The following LTBR variants were observed in gnomAD, a reference collection of about 807,000 sequenced individuals.
LTBR encodes lymphotoxin beta receptor.
Under a neutral mutation model 45.4 loss-of-function variants are expected in LTBR, and 15 were observed. The ratio of observed to expected loss-of-function variants is 0.33; its 90% CI spans 0.22 to 0.51. LTBR has a LOEUF of 0.51. LTBR is among the 20% of genes least tolerant of loss of function. LTBR has a pLI of 0.97. For missense variants in LTBR, 450 were observed against 565.5 expected (o/e 0.80, Z 2.07); for synonymous variants, 228 against 231.0 (o/e 0.99, Z 0.12).
intron 1 of LTBR, chr12:6,376,128 C>T: frequency 1.0e-6 from 1 of 987,160 alleles, no homozygotes; most frequent in Non-Finnish European, 1.2e-6. Context: ...CACCCTCAGG[C>T]CCTGCAGAGA....
Position 6,384,270 on chromosome 12 carries a change from G to A in LTBR, c.-89G>A. On this transcript the variant is annotated 5_prime_UTR_variant, in exon 1 of 10. Coordinates refer to ENST00000228918, the MANE Select transcript of LTBR (RefSeq NM_002342.3). ...GTCCCGTCCCAGGCTCTGGGCTCGG[G>A]CAGCCGCCGCCACCGCTGCCCAGGA... is the stretch of plus-strand genomic sequence containing the variant. 5 of 1,419,132 alleles carry A rather than the reference G, an allele frequency of 3.5e-6. No homozygotes were observed. The South Asian group carries it at 7.6e-5, about 22-fold the overall frequency. 87.9% of individuals were successfully genotyped at this position (1,419,132 alleles called of 1,614,324 possible).
chr12:6,379,604 A>C (rs971455746), upstream of LTBR, among the ~76,000 whole-genome samples: 2 of 152,196 alleles, frequency 1.3e-5, no homozygotes, highest in Non-Finnish European at 2.9e-5. Context: ...GCCACTCTTC[A>C]TCTAGTCCCC....
At chr12:6,380,619 G>T (rs554067606), upstream of LTBR, among the ~76,000 whole-genome samples, 72 of 152,124 alleles carry the variant, frequency 4.7e-4, no homozygotes, top group Non-Finnish European at 1.3e-4. Context: ...GAACCTGGGA[G>T]GCGGAGGTTG....
chr12:6,386,604 T>TACACACACACAC lies in LTBR; in HGVS notation c.667+181_667+192dup, dbSNP rs3075360. ...AAATTGGAGTATCTCTAGGCTAGTTTACACACACACACACACACACACACA... is the reference window on the plus strand; with the variant it reads ...AAATTGGAGTATCTCTAGGCTAGTTTACACACACACACACACACACACACACACACACACACA... On this transcript the variant is annotated intron_variant, in intron 6 of 9. Coordinates refer to ENST00000228918, the MANE Select transcript of LTBR (RefSeq NM_002342.3). The surrounding 1 kb of genome is among the most constrained non-coding windows in gnomAD (Gnocchi z 4.1). 4.0e-4 allele frequency: 220 copies of TACACACACACAC among 546,626 alleles called. No homozygotes were observed. The highest frequency in any genetic ancestry group is 3.2e-3 in the African/African-American group (164 of 50,964). The allele number at this position is 546,626 out of a possible 1,614,324, so 33.9% of individuals were successfully genotyped here. A position where few individuals can be genotyped will look rare whatever the true frequency, so the allele number is the denominator to read the frequency against.
At position 6,390,747 on chromosome 12, in the gene LTBR, C is replaced by T. The variant is rs759658244; in HGVS notation, c.1118C>T (p.Pro373Leu). 14 of 1,561,654 alleles carry T rather than the reference C, an allele frequency of 9.0e-6. No homozygotes were observed. The highest frequency in any genetic ancestry group is 2.5e-5 in the South Asian group (2 of 81,092). ...AATGGACCAGTACTGGGGGGACCACCGGGTCCTGGAGACCTCCCAGCTACC... is the reference window on the plus strand; with the variant it reads ...AATGGACCAGTACTGGGGGGACCACTGGGTCCTGGAGACCTCCCAGCTACC... ...IYNGPVLGGP[P>L]GPGDLPATPE... The change falls in exon 10 of 10, where the codon CCG (proline) becomes CTG (leucine). Residue 373 changes from proline (P) to leucine (L), a missense_variant. Physicochemically the swap from Pro to Leu is moderately conservative, Grantham distance 98. Around this residue, in one of 3 missense-constraint regions of LTBR, gnomAD observed 71 missense variants for 90.4 expected, o/e 0.79. Coordinates refer to ENST00000228918, the MANE Select transcript of LTBR (RefSeq NM_002342.3).
chr12:6,376,761 G>C (rs1380282812), intron 1 of LTBR, among the ~76,000 whole-genome samples: 1 of 152,126 alleles, frequency 6.6e-6, no homozygotes, highest in Non-Finnish European at 1.5e-5. Flanking sequence ...GGCAGGGAAG[G>C]CTGCCGCTTC....
In LTBR at chr12:6,391,097, C is replaced by CG. The variant is rs1010390896; in HGVS notation, c.*160_*161insG. The CG allele has an allele frequency of 5.4e-5, 39 of 717,088 alleles. No individual in the cohort carries two copies. The highest frequency in any genetic ancestry group is 5.1e-4 in the African/African-American group (28 of 54,522). The allele number at this position is 717,088 out of a possible 1,614,324, so 44.4% of individuals were successfully genotyped here. Reference sequence around the variant, plus strand: ...ACCTCTGAGAGCAGGTGGGCACTGGCTGGGTACGGTGCCCTCCACAGGACT... The same window carrying CG: ...ACCTCTGAGAGCAGGTGGGCACTGGCGTGGGTACGGTGCCCTCCACAGGACT... On this transcript the variant is annotated 3_prime_UTR_variant, in exon 10 of 10. Transcript: ENST00000228918.
intron 1 of LTBR, chr12:6,377,395 T>C: frequency 1.2e-6 from 1 of 824,796 alleles, no homozygotes; most frequent in East Asian, 2.7e-5. Flanking sequence ...TAAACAGAAT[T>C]CAGAATTCTC....
intron 8 of LTBR, chr12:6,389,047 G>A (rs1949080943): frequency 1.8e-6 from 1 of 540,634 alleles, no homozygotes; most frequent in African/African-American, 1.9e-5. Context: ...TGCCCATGGA[G>A]CAAGAATAAG....
intron 6 of LTBR, chr12:6,387,054 T>G (rs1477112659): frequency 2.0e-5 from 3 of 152,304 alleles, no homozygotes; most frequent in Non-Finnish European, 4.4e-5. Flanking sequence ...AAACCGAGGC[T>G]CAAAGAGGTT....
rs1416255533 is a variant in LTBR, at chr12:6,386,569, C to T, written c.667+125C>T. The stretch of plus-strand genomic sequence containing the variant: ...CCAGAATTGGGCAAGAAGAAAGTTC[C>T]TTACAGAAAAAATTGGAGTATCTCT... On this transcript the variant is annotated intron_variant, in intron 6 of 9. Transcript: ENST00000228918. This position sits in a 1 kb window ranked among gnomAD's most constrained non-coding sequence, Gnocchi z 4.1. The T allele has an allele frequency of 1.4e-6, 1 of 699,550 alleles. No homozygotes were observed. Among genetic ancestry groups the T allele is most frequent in the Non-Finnish European group, 2.4e-6 (1 of 409,210 alleles). The allele number at this position is 699,550 out of a possible 1,614,324, so 43.3% of individuals were successfully genotyped here. A position where few individuals can be genotyped will look rare whatever the true frequency, so the allele number is the denominator to read the frequency against.
upstream of LTBR, among the ~76,000 whole-genome samples, chr12:6,379,933 C>CAAAAAAAAAAAA (rs60566609): frequency 8.6e-6 from 1 of 115,978 alleles, no homozygotes; most frequent in African/African-American, 3.1e-5. Flanking sequence ...GACTCTGTCT[C>CAAAAAAAAAAAA]AAAAAAAAAA....
chr12:6,382,555 G>A (rs369517663), upstream of LTBR, among the ~76,000 whole-genome samples: 48 of 152,328 alleles, frequency 3.2e-4, no homozygotes, highest in South Asian at 2.7e-3. Flanking sequence ...CAGCAGCCCC[G>A]CGCAGTGCAT....
Position 6,386,095 on chromosome 12 carries a change from G to C in LTBR, c.502G>C (p.Val168Leu). 1 of 1,613,890 alleles carries C rather than the reference G, an allele frequency of 6.2e-7. No individual in the cohort carries two copies. Residue 168 changes from valine (V) to leucine (L), a missense_variant, in exon 5 of 10, where the codon GTC (valine) becomes CTC (leucine). By Grantham distance (32) the Val-to-Leu change is conservative. Around this residue, in one of 3 missense-constraint regions of LTBR, gnomAD observed 367 missense variants for 435.4 expected, o/e 0.84. Transcript: ENST00000228918. The surrounding 1 kb of genome is among the most constrained non-coding windows in gnomAD (Gnocchi z 4.1). The stretch of plus-strand genomic sequence containing the variant: ...AGTTGGGAAGGGTAACAACCACTGC[G>C]TCCCCTGCAAGGCCGGGCACTTCCA... ...DEVGKGNNHC[V>L]PCKAGHFQNT...
chr12:6,377,003 C>T (rs1274566668), intron 1 of LTBR, among the ~76,000 whole-genome samples: 3 of 151,742 alleles, frequency 2.0e-5, no homozygotes, highest in African/African-American at 7.3e-5. Flanking sequence ...AGAGATAAGA[C>T]ATAAGAGCCA....
At chr12:6,383,782 C>A (rs747017770), upstream of LTBR, among the ~76,000 whole-genome samples, 19 of 152,346 alleles carry the variant, frequency 1.2e-4, no homozygotes, top group Admixed American at 3.3e-4. Context: ...GCTGCTTCTG[C>A]GGCCTTGCAG....
chr12:6,381,535 A>G (rs1948984628), upstream of LTBR, among the ~76,000 whole-genome samples: 1 of 152,204 alleles, frequency 6.6e-6, no homozygotes. Context: ...AGAGTCCATG[A>G]GGGCTGAAGC....
At chr12:6,375,510 A>T (rs1022176722) in exon 1 of LTBR, 56 of 1,534,814 alleles carry the variant, frequency 3.6e-5, no homozygotes, top group Non-Finnish European at 4.9e-5. Flanking sequence ...CTCACCTGAC[A>T]GGTGCAGCGG....
Position 6,390,715 on chromosome 12 carries a change from C to T in LTBR, c.1086C>T (p.Tyr362=), listed in dbSNP as rs1268921491. 2 of 1,504,868 alleles carry T rather than the reference C, an allele frequency of 1.3e-6. No homozygotes were observed. Among genetic ancestry groups the T allele is most frequent in the Non-Finnish European group, 1.8e-6 (2 of 1,127,196 alleles). 93.2% of individuals were successfully genotyped at this position (1,504,868 alleles called of 1,614,324 possible). ...CTATGACTATCACTGGCAACATCTA[C>T]ATCTACAATGGACCAGTACTGGGGG... ...GGSMTITGNI[Y]IYNGPVLGGP... The change falls in exon 10 of 10, where the codon TAC becomes TAT. Residue 362 remains tyrosine, a synonymous_variant. Coordinates refer to ENST00000228918, the MANE Select transcript of LTBR (RefSeq NM_002342.3).
Sources: allele counts gnomAD v4.1 joint callset (sites outside exome capture counted in the v4.1 genomes callset), GRCh38; gene constraint gnomAD v4.1.1; regional missense constraint gnomAD v4.1.1; non-coding constraint Gnocchi (gnomAD v3.1); transcripts MANE v1.5; gene names NCBI Gene and HGNC (gene_info 2026-07-23, HGNC 2026-07-21).